The following CAPN2 variants were observed in gnomAD, a reference collection of about 807,000 sequenced individuals.
CAPN2 encodes the protein calpain-2 catalytic subunit.
Under a neutral mutation model 102.3 loss-of-function variants are expected in CAPN2, and 92 were observed. The observed-to-expected ratio is 0.90, with a 90% CI of 0.76 to 1.07. The LOEUF (loss-of-function observed/expected upper bound fraction) is 1.07. Among genes scored for constraint, CAPN2 ranks in the 50% least tolerant of loss-of-function variants. CAPN2 has a pLI of 0.00. For synonymous variants in CAPN2, 340 were observed against 355.4 expected (o/e 0.96, Z 0.49); for missense variants, 800 against 909.4 (o/e 0.88, Z 1.55).
intron 1 of CAPN2, among the ~76,000 whole-genome samples, chr1:223,706,801 T>A (rs965545529): frequency 2.0e-5 from 3 of 152,178 alleles, no homozygotes; most frequent in African/African-American, 2.4e-5. Flanking sequence ...AGAACCTGGC[T>A]AGGCACGGTG....
intron 2 of CAPN2, 51 bp from the exon 3 acceptor site, chr1:223,744,049 C>T (rs1465595130): frequency 8.0e-7 from 1 of 1,245,726 alleles, no homozygotes. Flanking sequence ...TTTTTAACAT[C>T]CTCCTGGTTC....
upstream of CAPN2, among the ~76,000 whole-genome samples, chr1:223,712,080 G>C (rs1404113248): frequency 6.6e-6 from 1 of 152,150 alleles, no homozygotes; most frequent in Non-Finnish European, 1.5e-5. Context: ...TGTAAAATGG[G>C]GACAATATCA....
upstream of CAPN2, among the ~76,000 whole-genome samples, chr1:223,709,190 C>G (rs144894682): frequency 1.6e-3 from 245 of 152,134 alleles, 2 homozygotes; most frequent in African/African-American, 5.6e-3. Flanking sequence ...AAGCAGCATT[C>G]AGGGATCTGT....
Position 223,712,777 on chromosome 1 carries a change from T to C in CAPN2, c.137T>C (p.Phe46Ser). The C allele has an allele frequency of 1.3e-6, 2 of 1,580,000 alleles. No homozygotes were observed. The highest frequency in any genetic ancestry group is 8.6e-7 in the Non-Finnish European group (1 of 1,165,440). ...GAGTGCCTGGAGGCCGGGACGCTCT[T>C]CCAGGACCCGTCCTTCCCGGCCATC... is the stretch of plus-strand genomic sequence containing the variant. ...RNECLEAGTL[F>S]QDPSFPAIPS... Residue 46 changes from phenylalanine to serine, a missense_variant, in exon 1 of 21, where the codon TTC becomes TCC. Phe to Ser is a radical substitution (Grantham distance 155). Transcript: ENST00000295006.
chr1:223,771,803 C>T lies in CAPN2; in HGVS notation c.1904-6C>T. 6.3e-7 allele frequency: 1 copy of T among 1,583,878 alleles called. No individual in the cohort carries two copies. The highest frequency in any genetic ancestry group is 1.1e-5 in the South Asian group (1 of 90,434). On this transcript the variant is annotated splice_region_variant and splice_polypyrimidine_tract_variant and intron_variant, in intron 18 of 20. Transcript: ENST00000295006. ...GCAATGAGTTTGTTTGTTCATGTAA[C>T]TTCAGGTTTCAAGATGCCCTGTCAA...
At chr1:223,753,642 A>G (rs1478295465) in intron 9 of CAPN2, among the ~76,000 whole-genome samples, 2 of 152,248 alleles carry the variant, frequency 1.3e-5, no homozygotes, top group Non-Finnish European at 2.9e-5. Flanking sequence ...AAAATGTGAA[A>G]TCTGAAATGC....
chr1:223,710,261 G>T (rs188259563), upstream of CAPN2, among the ~76,000 whole-genome samples: 45 of 152,108 alleles, frequency 3.0e-4, no homozygotes, highest in Non-Finnish European at 6.2e-4. Flanking sequence ...CTCCAGCCTG[G>T]GTGACAGGGT....
rs1286653715 is a variant in CAPN2 at position 223,759,894 on chromosome 1, C to A, written c.1529+413C>A. ...AGCCACCAAGGGTGTAAGGTGGGAACCATCTCAACGGTTCCCACCTCCAGA... is the reference window on the plus strand; with the variant it reads ...AGCCACCAAGGGTGTAAGGTGGGAAACATCTCAACGGTTCCCACCTCCAGA... On this transcript the variant is annotated intron_variant, in intron 12 of 20. Coordinates refer to ENST00000295006, the MANE Select transcript of CAPN2 (RefSeq NM_001748.5). The surrounding 1 kb of genome is among the most constrained non-coding windows in gnomAD (Gnocchi z 4.6). 6.6e-6 allele frequency among the ~76,000 whole-genome samples: 1 copy of A among 151,952 alleles called. No individual in the cohort carries two copies. Among genetic ancestry groups the A allele is most frequent in the Non-Finnish European group, 1.5e-5 (1 of 67,980 alleles).
chr1:223,714,125 T>C (rs940054735), intron 1 of CAPN2, among the ~76,000 whole-genome samples: 9 of 152,212 alleles, frequency 5.9e-5, no homozygotes, highest in African/African-American at 1.7e-4. Context: ...TGACCCTTCT[T>C]AGCAGCCACC....
At chr1:223,736,878 C>CA (rs1053184003) in intron 2 of CAPN2, among the ~76,000 whole-genome samples, 5 of 151,830 alleles carry the variant, frequency 3.3e-5, no homozygotes, top group African/African-American at 1.2e-4. Flanking sequence ...GACACCTCTA[C>CA]AAAAAAAGTT....
At chr1:223,770,127 A>G (rs916147256) in intron 17 of CAPN2, 4 of 592,326 alleles carry the variant, frequency 6.8e-6, no homozygotes, top group African/African-American at 3.7e-5. Flanking sequence ...CTTCCTCCTG[A>G]TTATTGGGAT....
At position 223,706,935 on chromosome 1, in the gene CAPN2, C is replaced by T. The variant is rs575983296; in HGVS notation, c.3+5104C>T. On this transcript the variant is annotated intron_variant, in intron 1 of 20. Coordinates refer to the CAPN2 transcript ENST00000433674. ...TCTCTATTAAAAATACAAAAATTAG[C>T]TGGGCATGGCAGTGAGCCCCTGTAA... 1.2e-3 allele frequency among the ~76,000 whole-genome samples: 186 copies of T among 152,100 alleles called. 1 individual carries two copies. Among genetic ancestry groups the T allele is most frequent in the Middle Eastern group, 3.4e-3 (1 of 294 alleles).
At position 223,766,289 on chromosome 1, in the gene CAPN2, T is replaced by C. The variant is rs1467947674; in HGVS notation, c.1691-78T>C. 2.8e-6 allele frequency: 3 copies of C among 1,055,110 alleles called. No individual in the cohort carries two copies. The African/African-American group carries it at 4.6e-5, about 16-fold the overall frequency. 65.4% of individuals were successfully genotyped at this position (1,055,110 alleles called of 1,614,324 possible). On this transcript the variant is annotated intron_variant, in intron 15 of 20. Transcript: ENST00000295006. Reference sequence around the variant, plus strand: ...GTATGTGAAGGGCACAGATAAAGAATATCTCCATGATTGTGGAAAGTTCAG... The same window carrying C: ...GTATGTGAAGGGCACAGATAAAGAACATCTCCATGATTGTGGAAAGTTCAG...
At chr1:223,704,732 T>C (rs940323062) in intron 1 of CAPN2, among the ~76,000 whole-genome samples, 6 of 152,162 alleles carry the variant, frequency 3.9e-5, no homozygotes, top group African/African-American at 9.7e-5. Flanking sequence ...CTCAGCCCTG[T>C]GCCTGGAAGG....
chr1:223,746,179 G>A (rs1002683366), intron 4 of CAPN2, among the ~76,000 whole-genome samples: 1 of 152,186 alleles, frequency 6.6e-6, no homozygotes, highest in African/African-American at 2.4e-5. Context: ...GGAGGAGTCA[G>A]CTGTGAGAAC....
chr1:223,708,828 A>C (rs1417643229), upstream of CAPN2, among the ~76,000 whole-genome samples: 3 of 151,496 alleles, frequency 2.0e-5, no homozygotes, highest in Admixed American at 1.3e-4. Flanking sequence ...GAGGAAGGGA[A>C]GAAGGGAGGG....
At chr1:223,704,758 G>A (rs114647127) in intron 1 of CAPN2, among the ~76,000 whole-genome samples, 1,664 of 152,202 alleles carry the variant, frequency 0.011, 26 homozygotes, top group African/African-American at 0.038. Context: ...GGTGGTCAAG[G>A]ATATCAACAA....
At position 223,775,731 on chromosome 1, in the gene CAPN2, C is replaced by A. The variant is rs1292154178; in HGVS notation, c.*874C>A. 6.6e-6 allele frequency: 1 copy of A among 152,596 alleles called. No homozygotes were observed. Among genetic ancestry groups the A allele is most frequent in the East Asian group, 1.9e-4 (1 of 5,192 alleles). The allele number at this position is 152,596 out of a possible 1,614,324, so 9.5% of individuals were successfully genotyped here. On this transcript the variant is annotated 3_prime_UTR_variant, in exon 21 of 21. Transcript: ENST00000295006. ...TTATAGAAAGGACACAAGTTTGTTT[C>A]CTGGCTTTACCTTGGGAAAATGCTA...
chr1:223,744,603 G>A (rs58609178), intron 3 of CAPN2, among the ~76,000 whole-genome samples: 260 of 152,310 alleles, frequency 1.7e-3, no homozygotes, highest in African/African-American at 6.0e-3. Flanking sequence ...GCTCATGCCC[G>A]TAATCTCAGC....
Sources: allele counts gnomAD v4.1 joint callset (sites outside exome capture counted in the v4.1 genomes callset), GRCh38; gene constraint gnomAD v4.1.1; non-coding constraint Gnocchi (gnomAD v3.1); transcripts MANE v1.5; gene names NCBI Gene and HGNC (gene_info 2026-07-23, HGNC 2026-07-21).